Variants in FAM178B observed in about 807,000 individuals in gnomAD.
FAM178B encodes the protein family with sequence similarity 178 member B.
FAM178B carries 82 observed loss-of-function variants against 91.7 expected under a neutral mutation model. The ratio of observed to expected loss-of-function variants is 0.89; its 90% CI spans 0.75 to 1.07. The LOEUF (loss-of-function observed/expected upper bound fraction) is 1.07, where lower values mean the gene tolerates loss of function less well. Among genes scored for constraint, FAM178B ranks in the 50% least tolerant of loss-of-function variants. FAM178B has a pLI of 0.00. For synonymous variants in FAM178B, 368 were observed against 359.4 expected, an observed-to-expected ratio of 1.02 and a Z score of -0.27; for missense variants, 769 against 846.7, an observed-to-expected ratio of 0.91 and a Z score of 1.14.
intron 8 of FAM178B, among the ~76,000 whole-genome samples, chr2:96,940,904 C>T (rs1227321264): frequency 6.6e-6 from 1 of 152,182 alleles, no homozygotes; most frequent in Non-Finnish European, 1.5e-5. Flanking sequence ...ATCCCACCTC[C>T]AGGACCCTCA....
intron 14 of FAM178B, among the ~76,000 whole-genome samples, chr2:96,879,608 C>G (rs542025537): frequency 6.6e-6 from 1 of 152,362 alleles, no homozygotes; most frequent in East Asian, 1.9e-4. Context: ...ACCTGGGGCT[C>G]CCACCAGCAG....
In FAM178B at chr2:96,962,424, G is replaced by A. The variant is rs564831484; in HGVS notation, c.735-1984C>T. On this transcript the variant is annotated intron_variant, in intron 5 of 16. Transcript: ENST00000490605. ...AGCCCTGGCAACAGTGCAAGACTTC[G>A]TCTCAAGAAAAAAAAAAAAAGAAAG... 3.3e-4 allele frequency among the ~76,000 whole-genome samples: 17 copies of A among 50,910 alleles called. No individual in the cohort carries two copies. The East Asian group carries it at 3.9e-3, about 12-fold the overall frequency. The allele number at this position is 50,910 out of a possible 152,430, so 33.4% of individuals were successfully genotyped here. A position where few individuals can be genotyped will look rare whatever the true frequency, so the allele number is the denominator to read the frequency against.
At chr2:96,984,640 TTA>T (rs2082401556) in intron 1 of FAM178B, among the ~76,000 whole-genome samples, 1 of 152,224 alleles carries the variant, frequency 6.6e-6, no homozygotes, top group Non-Finnish European at 1.5e-5. Flanking sequence ...CTACCAGTGA[TTA>T]TATGGCATTC....
In FAM178B at chr2:96,921,646, C is replaced by T. The variant is rs1400601713; in HGVS notation, c.1296G>A (p.Ala432=). 4.0e-5 allele frequency: 62 copies of T among 1,551,214 alleles called. No individual in the cohort carries two copies. Among genetic ancestry groups the T allele is most frequent in the Non-Finnish European group, 5.0e-5 (57 of 1,146,966 alleles). Reference sequence around the variant, plus strand: ...CCCCCGGCTGGGCCTGGGCACACAGCGCCAGAAACTGGAGAGAGAAAAGAG... The same window carrying T: ...CCCCCGGCTGGGCCTGGGCACACAGTGCCAGAAACTGGAGAGAGAAAAGAG... ...ISLGHIYKFL[A]LCAQAQPGAY... The change falls in exon 11 of 17, where the codon GCG becomes GCA. Residue 432 remains alanine (A), a synonymous_variant. Transcript: ENST00000490605.
chr2:96,960,417 A>C lies in FAM178B; in HGVS notation c.758T>G (p.Val253Gly). 1 of 1,548,820 alleles carries C rather than the reference A, an allele frequency of 6.5e-7. No homozygotes were observed. Among genetic ancestry groups the C allele is most frequent in the Non-Finnish European group, 8.7e-7 (1 of 1,144,960 alleles). ...EHRMLVEKYS[V>G]SLQTIPPVHP... ...GACCGGCGGGATGGTCTGCAGGGAC[A>C]CTGAGTACTTTTCCACCAGCATCCT... Residue 253 changes from valine (V) to glycine (G), a missense_variant, in exon 6 of 17, where the codon GTG becomes GGG. Coordinates refer to ENST00000490605, the MANE Select transcript of FAM178B (RefSeq NM_001122646.3).
At chr2:96,899,642 C>T (rs1360296578) in intron 13 of FAM178B, among the ~76,000 whole-genome samples, 4 of 151,810 alleles carry the variant, frequency 2.6e-5, no homozygotes, top group African/African-American at 2.4e-5. Flanking sequence ...TGGCTCACTG[C>T]AGCCTTGACC....
intron 10 of FAM178B, among the ~76,000 whole-genome samples, chr2:96,922,381 GCT>G (rs920576930): frequency 9.9e-5 from 15 of 152,136 alleles, no homozygotes; most frequent in Non-Finnish European, 1.5e-4. Flanking sequence ...ACAGAGTCTT[GCT>G]CTGTCACCCA....
At chr2:96,934,447 G>A (rs934371283) in intron 8 of FAM178B, among the ~76,000 whole-genome samples, 1 of 152,150 alleles carries the variant, frequency 6.6e-6, no homozygotes, top group South Asian at 2.1e-4. Context: ...CAAGGACCAG[G>A]GATGAAGGGA....
chr2:96,878,071 G>C, intron 15 of FAM178B, 29 bp from the exon 16 acceptor site: 1 of 1,602,194 alleles, frequency 6.2e-7, no homozygotes, highest in Non-Finnish European at 8.5e-7. Context: ...GCCAAGAAGC[G>C]GGTGTAGCAC....
At chr2:96,909,859 C>CT (rs1256116329) in intron 12 of FAM178B, among the ~76,000 whole-genome samples, 1 of 152,198 alleles carries the variant, frequency 6.6e-6, no homozygotes, top group Admixed American at 6.5e-5. Flanking sequence ...ATCCAAAACA[C>CT]TGGGCCTGCC....
chr2:96,910,457 CA>C, intron 12 of FAM178B, among the ~76,000 whole-genome samples: 1 of 152,340 alleles, frequency 6.6e-6, no homozygotes, highest in East Asian at 1.9e-4. Context: ...ACAAAGACGG[CA>C]AAAGCAAAAT....
At position 96,972,519 on chromosome 2, in the gene FAM178B, G is replaced by T; in HGVS notation, c.142+19C>A. 1 of 1,551,064 alleles carries T rather than the reference G, an allele frequency of 6.4e-7. No homozygotes were observed. Among genetic ancestry groups the T allele is most frequent in the South Asian group, 1.2e-5 (1 of 84,052 alleles). ...CAAACCTCAGTGGGGATTTACCTGT[G>T]CAGGTGAGAGACGCCTACCTTCTCT... On this transcript the variant is annotated intron_variant, in intron 2 of 16. Coordinates refer to ENST00000490605, the MANE Select transcript of FAM178B (RefSeq NM_001122646.3).
intron 12 of FAM178B, among the ~76,000 whole-genome samples, chr2:96,915,178 C>T (rs1172383134): frequency 6.6e-6 from 1 of 151,518 alleles, no homozygotes; most frequent in Non-Finnish European, 1.5e-5. Context: ...GGCACAATCT[C>T]GGCTCACTGC....
chr2:96,971,551 C>A (rs576490619), intron 3 of FAM178B, among the ~76,000 whole-genome samples: 5 of 152,180 alleles, frequency 3.3e-5, no homozygotes, highest in African/African-American at 4.8e-5. Flanking sequence ...CTACAGACAA[C>A]CAAGCCCAGA....
chr2:96,923,602 A>G lies in FAM178B; in HGVS notation c.1194-19T>C. 6.5e-7 allele frequency: 1 copy of G among 1,547,250 alleles called. No individual in the cohort carries two copies. Among genetic ancestry groups the G allele is most frequent in the Non-Finnish European group, 8.7e-7 (1 of 1,143,084 alleles). ...AAGCACCCTGTGGTAAGACAACAAC[A>G]GTGACGATGGGAAACCCAGGAGGGG... On this transcript the variant is annotated intron_variant, in intron 9 of 16. Coordinates refer to ENST00000490605, the MANE Select transcript of FAM178B (RefSeq NM_001122646.3).
At chr2:96,930,305 C>T (rs550770695) in intron 8 of FAM178B, among the ~76,000 whole-genome samples, 59 of 142,578 alleles carry the variant, frequency 4.1e-4, no homozygotes, top group Admixed American at 6.4e-4. Flanking sequence ...GCCTTTTTTT[C>T]TGTCAGACTA....
At chr2:96,911,427 A>G (rs993210349) in intron 12 of FAM178B, among the ~76,000 whole-genome samples, 1 of 152,228 alleles carries the variant, frequency 6.6e-6, no homozygotes, top group Non-Finnish European at 1.5e-5. Flanking sequence ...GGTGGCTGCC[A>G]AGTTCTAGGA....
rs373113293 is a variant in FAM178B, at chr2:96,914,219, G to A, written c.1562+6946C>T. On this transcript the variant is annotated intron_variant, in intron 12 of 16. Transcript: ENST00000490605. ...TCCGTGGAGAAAAATGAAGGAAAGG[G>A]AGGTTGTGCAGAGCCCTGAGGTGGC... Among the ~76,000 whole-genome samples the A allele has an allele frequency of 2.6e-5, 4 of 152,322 alleles. No individual in the cohort carries two copies. The East Asian group carries it at 7.7e-4, about 29-fold the overall frequency.
intron 15 of FAM178B, 33 bp from the exon 16 acceptor site, chr2:96,878,075 G>A (rs766574448): frequency 1.9e-6 from 3 of 1,600,998 alleles, no homozygotes; most frequent in Non-Finnish European, 2.5e-6. Context: ...AGAAGCGGGT[G>A]TAGCACAAGC....
Sources: gnomAD v4.1 joint callset for allele counts (sites outside exome capture counted in the v4.1 genomes callset) on GRCh38, gnomAD v4.1.1 for gene constraint, MANE v1.5 for transcripts, NCBI Gene and HGNC (gene_info 2026-07-23, HGNC 2026-07-21) for gene names.